Variants in ATP13A2 observed in about 807,000 individuals in gnomAD.
The protein encoded by ATP13A2 is ATPase cation transporting 13A2.
A neutral mutation model predicts 138.3 loss-of-function variants in ATP13A2; 83 were observed. The observed-to-expected ratio is 0.60, with a 90% CI of 0.50 to 0.72. ATP13A2 has a LOEUF of 0.72. ATP13A2 is among the 30% of genes least tolerant of loss of function. The pLI is 0.00. For missense variants in ATP13A2, 1,402 were observed against 1,606.4 expected (o/e 0.87, Z 2.17); for synonymous variants, 663 against 699.0 (o/e 0.95, Z 0.81).
rs2077816306 is a variant in ATP13A2 at position 17,011,907 on chromosome 1, G to A, written c.-169C>T. On this transcript the variant is annotated 5_prime_UTR_variant, in exon 1 of 29. Transcript: ENST00000326735. The surrounding 1 kb of genome is among the most constrained non-coding windows in gnomAD (Gnocchi z 7.3). ...CGCGGGCGGGGCACCTGGGCCACCA[G>A]GCTCGGCGCGGCTCCGACACTGCCG... 1 of 469,074 alleles carries A rather than the reference G, an allele frequency of 2.1e-6. No individual in the cohort carries two copies. Among genetic ancestry groups the A allele is most frequent in the Non-Finnish European group, 2.8e-6 (1 of 354,400 alleles). The allele number at this position is 469,074 out of a possible 1,614,324, so 29.1% of individuals were successfully genotyped here. A position where few individuals can be genotyped will look rare whatever the true frequency, so the allele number is the denominator to read the frequency against.
At position 17,004,356 on chromosome 1, in the gene ATP13A2, G is replaced by A. The variant is rs2077471291; in HGVS notation, c.533C>T (p.Thr178Ile). 2 of 1,614,030 alleles carry A rather than the reference G, an allele frequency of 1.2e-6. No homozygotes were observed. Among genetic ancestry groups the A allele is most frequent in the Non-Finnish European group, 1.7e-6 (2 of 1,179,986 alleles). ...FQGQRYIWIE[T>I]QQAFYQVSLL... ...CCTGACCTGGTAGAAGGCTTGCTGGGTCTCGATCCAGATATAGCGCTGGCC... is the reference window on the plus strand; with the variant it reads ...CCTGACCTGGTAGAAGGCTTGCTGGATCTCGATCCAGATATAGCGCTGGCC... The change falls in exon 6 of 29, where the codon ACC (threonine) becomes ATC (isoleucine). Residue 178 changes from threonine (T) to isoleucine (I), a missense_variant. Coordinates refer to ENST00000326735, the MANE Select transcript of ATP13A2 (RefSeq NM_022089.4). This position sits in a 1 kb window ranked among gnomAD's most constrained non-coding sequence, Gnocchi z 4.1.
chr1:16,993,517 T>G, intron 16 of ATP13A2, 112 bp downstream of exon 16: 3 of 1,081,822 alleles, frequency 2.8e-6, no homozygotes, highest in Non-Finnish European at 4.0e-6. Flanking sequence ...CTATTATTAT[T>G]AATGGTGGGC....
rs1387923363 is a variant in ATP13A2, at chr1:17,004,929, C to A, written c.347+85G>T. The A allele has an allele frequency of 6.2e-7, 1 of 1,611,722 alleles. No individual in the cohort carries two copies. Among genetic ancestry groups the A allele is most frequent in the African/African-American group, 1.3e-5 (1 of 74,800 alleles). On this transcript the variant is annotated intron_variant, in intron 4 of 28. Transcript: ENST00000326735. This position sits in a 1 kb window ranked among gnomAD's most constrained non-coding sequence, Gnocchi z 4.1. ...CTAGGATGGGAGGCGCCAGAGTCAG[C>A]CTTTATGGGGGGGCCGAGGGTTGGG... is the stretch of plus-strand genomic sequence containing the variant.
intron 15 of ATP13A2, among the ~76,000 whole-genome samples, chr1:16,994,140 C>T (rs1015598649): frequency 6.6e-6 from 1 of 152,182 alleles, no homozygotes; most frequent in Non-Finnish European, 1.5e-5. Context: ...TTCACTTCCC[C>T]ACACTTGTGC....
At chr1:16,990,093 G>A in intron 21 of ATP13A2, 34 bp downstream of exon 21, 1 of 1,614,154 alleles carries the variant, frequency 6.2e-7, no homozygotes, top group Non-Finnish European at 8.5e-7. Flanking sequence ...GGGTCACTGG[G>A]TGAGGTACAG....
At position 16,993,730 on chromosome 1, in the gene ATP13A2, GC is replaced by G; in HGVS notation, c.1647del (p.Leu551CysfsTer25). The G allele has an allele frequency of 6.3e-7, 1 of 1,594,060 alleles. No homozygotes were observed. Among genetic ancestry groups the G allele is most frequent in the Middle Eastern group, 1.8e-4 (1 of 5,618 alleles). ...LVPEPRRLPV[G>X]PLLRALATCH... ...CAGGTGGCCAGTGCTCGGAGCAGGG[GC>G]CCCACAGGCAGGCGGCGAGGCTCTG... On this transcript the variant is annotated frameshift_variant, in exon 16 of 29. Coordinates refer to ENST00000326735, the MANE Select transcript of ATP13A2 (RefSeq NM_022089.4). LOFTEE classifies it high-confidence loss of function.
intron 11 of ATP13A2, 69 bp from the exon 12 acceptor site, chr1:16,997,244 G>GT: frequency 6.3e-7 from 1 of 1,588,046 alleles, no homozygotes; most frequent in African/African-American, 1.3e-5. Context: ...GGAGTTCTGT[G>GT]TAGAATTGTC....
intron 1 of ATP13A2, among the ~76,000 whole-genome samples, chr1:17,009,575 G>A (rs2077704514): frequency 6.6e-6 from 1 of 151,502 alleles, no homozygotes; most frequent in African/African-American, 2.4e-5. Context: ...TTTTTTTTTA[G>A]TAGGGACAGG....
chr1:16,998,721 C>T (rs1023044895), intron 11 of ATP13A2, among the ~76,000 whole-genome samples: 10 of 152,118 alleles, frequency 6.6e-5, no homozygotes, highest in African/African-American at 1.7e-4. Flanking sequence ...ATACTCATGG[C>T]GAGCGGGCCG....
At chr1:16,990,037 T>G in intron 21 of ATP13A2, 34 bp from the exon 22 acceptor site, 1 of 1,612,986 alleles carries the variant, frequency 6.2e-7, no homozygotes, top group Non-Finnish European at 8.5e-7. Context: ...TAGCTCCCCC[T>G]GCCCACCCTG....
chr1:16,986,274 G>C lies in ATP13A2; in HGVS notation c.3490C>G (p.Arg1164Gly). Residue 1164 changes from arginine (R) to glycine (G), a missense_variant, in exon 29 of 29, where the codon CGA becomes GGA. Transcript: ENST00000326735. This position sits in a 1 kb window ranked among gnomAD's most constrained non-coding sequence, Gnocchi z 6.9. ...GGCCAGGGCTGCTCGGCCAGCTCTC[G>C]TTCCAGCTGCTTGAAGCGCTTCTTG... The part of the protein sequence containing the change: ...ASKKRFKQLE[R>G]ELAEQPWPPL... The C allele has an allele frequency of 6.2e-7, 1 of 1,606,028 alleles. No individual in the cohort carries two copies.
chr1:17,000,795 A>G (rs1191938413), intron 8 of ATP13A2: 8 of 464,362 alleles, frequency 1.7e-5, no homozygotes, highest in East Asian at 8.0e-5. Context: ...TACAAAAATT[A>G]GCCTGATGGG....
rs1274385640 is a variant in ATP13A2, at chr1:16,990,307, G to T, written c.2252-20C>A. 6.2e-7 allele frequency: 1 copy of T among 1,613,740 alleles called. No homozygotes were observed. Among genetic ancestry groups the T allele is most frequent in the East Asian group, 2.2e-5 (1 of 44,880 alleles). On this transcript the variant is annotated intron_variant, in intron 20 of 28. Coordinates refer to ENST00000326735, the MANE Select transcript of ATP13A2 (RefSeq NM_022089.4). ...TGTCCCCTGGGGGTTATGGGGCAAG[G>T]TGAGGGTCTGAGGCTATCCGGGGAG...
At position 17,008,079 on chromosome 1, in the gene ATP13A2, G is replaced by A. The variant is rs187889882; in HGVS notation, c.11-2301C>T. Among the ~76,000 whole-genome samples, 171 of 146,906 alleles carry A rather than the reference G, an allele frequency of 1.2e-3. 1 individual carries two copies. Among genetic ancestry groups the A allele is most frequent in the African/African-American group, 4.1e-3 (163 of 39,508 alleles). On this transcript the variant is annotated intron_variant, in intron 1 of 28. Coordinates refer to ENST00000326735, the MANE Select transcript of ATP13A2 (RefSeq NM_022089.4). Reference sequence around the variant, plus strand: ...ATTCATTTATTTACTTATCACTCTTGTAGCCTCGGCTTCCCAAAGTGCTGG... The same window carrying A: ...ATTCATTTATTTACTTATCACTCTTATAGCCTCGGCTTCCCAAAGTGCTGG...
At position 17,000,156 on chromosome 1, in the gene ATP13A2, G is replaced by C; in HGVS notation, c.908-14C>G. Reference sequence around the variant, plus strand: ...CCCACTCTTCCTCTGCAGGCAGGCAGGAGAGGAGCTCAGCTAGGTGGGGCC... The same window carrying C: ...CCCACTCTTCCTCTGCAGGCAGGCACGAGAGGAGCTCAGCTAGGTGGGGCC... On this transcript the variant is annotated splice_polypyrimidine_tract_variant and intron_variant, in intron 10 of 28. Transcript: ENST00000326735. 6.2e-7 allele frequency: 1 copy of C among 1,612,974 alleles called. No individual in the cohort carries two copies. The highest frequency in any genetic ancestry group is 8.5e-7 in the Non-Finnish European group (1 of 1,179,944).
Position 16,993,613 on chromosome 1 carries a change from T to G in ATP13A2, c.1749+16A>C. The G allele has an allele frequency of 6.4e-7, 1 of 1,567,112 alleles. No homozygotes were observed. Among genetic ancestry groups the G allele is most frequent in the Non-Finnish European group, 8.6e-7 (1 of 1,156,252 alleles). ...ACTGCCCAGAGGCAGGGGGCTGACC[T>G]GCTTGGCCTCCTCACCCAGCCAGTA... On this transcript the variant is annotated intron_variant, in intron 16 of 28. Transcript: ENST00000326735.
chr1:16,987,621 T>C (rs2076784340), intron 25 of ATP13A2, among the ~76,000 whole-genome samples: 1 of 152,180 alleles, frequency 6.6e-6, no homozygotes, highest in Non-Finnish European at 1.5e-5. Context: ...AGGGAGCTCC[T>C]CGCTTTCAGG....
At chr1:17,005,257 G>A (rs1359855491) in intron 3 of ATP13A2, 117 bp downstream of exon 3, 32 of 1,482,758 alleles carry the variant, frequency 2.2e-5, no homozygotes, top group East Asian at 4.9e-5. Context: ...AGAGAAGAGC[G>A]GGACCTGCCT....
At chr1:16,996,596 A>G (rs1262637158) in intron 12 of ATP13A2, 100 bp from the exon 13 acceptor site, 3 of 942,414 alleles carry the variant, frequency 3.2e-6, no homozygotes, top group Admixed American at 3.9e-5. Flanking sequence ...GTTGCAAGAC[A>G]TGATGTTTGT....
Sources: allele counts gnomAD v4.1 joint callset (sites outside exome capture counted in the v4.1 genomes callset), GRCh38; gene constraint gnomAD v4.1.1; non-coding constraint Gnocchi (gnomAD v3.1); transcripts MANE v1.5; gene names NCBI Gene and HGNC (gene_info 2026-07-23, HGNC 2026-07-21).